The following GSK3B variants were observed in gnomAD, a reference collection of about 807,000 sequenced individuals.
The protein encoded by GSK3B is glycogen synthase kinase 3 beta.
Under a neutral mutation model 56.4 loss-of-function variants are expected in GSK3B, and 15 were observed. The ratio of observed to expected loss-of-function variants is 0.27; its 90% CI spans 0.18 to 0.41. The LOEUF (loss-of-function observed/expected upper bound fraction) is 0.41. Among genes scored for constraint, GSK3B ranks in the 10% least tolerant of loss-of-function variants. The pLI is 1.00. For missense variants in GSK3B, 300 were observed against 513.4 expected (o/e 0.58, Z 4.02); for synonymous variants, 181 against 188.9 (o/e 0.96, Z 0.34).
intron 4 of GSK3B, 103 bp downstream of exon 4, chr3:119,923,270 C>T (rs2056860922): frequency 3.7e-6 from 2 of 537,054 alleles, no homozygotes; most frequent in African/African-American, 1.9e-5. Flanking sequence ...CAGTTTTTCT[C>T]CCTGAGTATT....
At chr3:119,999,972 T>C (rs1429377675) in intron 2 of GSK3B, among the ~76,000 whole-genome samples, 1 of 152,156 alleles carries the variant, frequency 6.6e-6, no homozygotes, top group Non-Finnish European at 1.5e-5. Context: ...AGAAACAACA[T>C]GACCAATGAG....
At chr3:119,888,012 T>C (rs2056457931) in intron 7 of GSK3B, among the ~76,000 whole-genome samples, 1 of 152,098 alleles carries the variant, frequency 6.6e-6, no homozygotes, top group African/African-American at 2.4e-5. Flanking sequence ...AGTGAAAATA[T>C]CCTTCAAAAT....
At chr3:119,934,155 C>CA (rs1437189169) in intron 3 of GSK3B, among the ~76,000 whole-genome samples, 1 of 152,144 alleles carries the variant, frequency 6.6e-6, no homozygotes. Context: ...GTAGTCTCTG[C>CA]ATAGTGACTT....
chr3:120,061,842 C>G (rs1167230537), intron 1 of GSK3B, among the ~76,000 whole-genome samples: 1 of 152,226 alleles, frequency 6.6e-6, no homozygotes, highest in Non-Finnish European at 1.5e-5. Context: ...AAGCAACTGT[C>G]CTGCCTCAGC....
intron 1 of GSK3B, among the ~76,000 whole-genome samples, chr3:120,076,266 C>G (rs549173525): frequency 6.6e-6 from 1 of 152,224 alleles, no homozygotes; most frequent in African/African-American, 2.4e-5. Context: ...TAGAAGAAAA[C>G]ATAGGGAGAA....
intron 3 of GSK3B, among the ~76,000 whole-genome samples, chr3:119,945,286 T>C (rs1038051330): frequency 1.3e-5 from 2 of 152,170 alleles, no homozygotes; most frequent in African/African-American, 4.8e-5. Flanking sequence ...ATCCCAAAAT[T>C]AGGAGGTATC....
At chr3:119,926,352 A>ACC (rs1414917703) in intron 3 of GSK3B, among the ~76,000 whole-genome samples, 1 of 151,310 alleles carries the variant, frequency 6.6e-6, no homozygotes, top group Non-Finnish European at 1.5e-5. Flanking sequence ...ACACACACAC[A>ACC]CACCCCTATA....
intron 2 of GSK3B, among the ~76,000 whole-genome samples, chr3:119,989,948 GCCGTCCCTCCT>G (rs1380936238): frequency 1.3e-5 from 2 of 152,018 alleles, no homozygotes; most frequent in African/African-American, 4.8e-5. Context: ...AGAAGAACAC[GCCGTCCCTCCT>G]CAAATTATAG....
chr3:120,062,948 T>C (rs1483898003), intron 1 of GSK3B, among the ~76,000 whole-genome samples: 1 of 152,054 alleles, frequency 6.6e-6, no homozygotes, highest in Non-Finnish European at 1.5e-5. Flanking sequence ...CATACAAACA[T>C]GCAAAAAATA....
At chr3:119,952,881 CAT>C (rs1458258844) in intron 2 of GSK3B, among the ~76,000 whole-genome samples, 19 of 151,850 alleles carry the variant, frequency 1.3e-4, no homozygotes, top group Non-Finnish European at 2.1e-4. Context: ...AATGACACCA[CAT>C]GTTAACTGGA....
intron 3 of GSK3B, 76 bp downstream of exon 3, chr3:119,947,192 A>G: frequency 1.1e-6 from 1 of 869,678 alleles, no homozygotes; most frequent in East Asian, 2.4e-5. Flanking sequence ...ACTGTCTATG[A>G]GCGGTGGGGA....
At chr3:119,896,399 G>C (rs979998283) in intron 7 of GSK3B, among the ~76,000 whole-genome samples, 3 of 151,652 alleles carry the variant, frequency 2.0e-5, no homozygotes, top group South Asian at 2.1e-4. Context: ...AGAAAGGGGG[G>C]TATATGAATC....
At chr3:119,889,871 G>T (rs951847233) in intron 7 of GSK3B, among the ~76,000 whole-genome samples, 1 of 152,052 alleles carries the variant, frequency 6.6e-6, no homozygotes, top group Non-Finnish European at 1.5e-5. Context: ...AAAATCATAA[G>T]AAAGATAGAG....
intron 1 of GSK3B, among the ~76,000 whole-genome samples, chr3:120,060,337 C>T (rs2058226206): frequency 6.6e-6 from 1 of 152,150 alleles, no homozygotes; most frequent in African/African-American, 2.4e-5. Context: ...GACGATACTA[C>T]ATTAAACTAA....
At chr3:119,956,707 G>A (rs781651820) in intron 2 of GSK3B, among the ~76,000 whole-genome samples, 9 of 152,116 alleles carry the variant, frequency 5.9e-5, no homozygotes, top group African/African-American at 1.7e-4. Context: ...GTGGAGTAAC[G>A]TAAGCCTTAG....
intron 10 of GSK3B, among the ~76,000 whole-genome samples, chr3:119,828,091 CCTA>C (rs2055543785): frequency 6.6e-6 from 1 of 152,082 alleles, no homozygotes. Context: ...AATATATACA[CCTA>C]CTATGTCCCC....
chr3:120,024,296 C>T (rs927937984), intron 1 of GSK3B, among the ~76,000 whole-genome samples: 15 of 151,990 alleles, frequency 9.9e-5, no homozygotes, highest in African/African-American at 3.4e-4. Flanking sequence ...TGTATGCTCT[C>T]CACTACTGGA....
intron 1 of GSK3B, among the ~76,000 whole-genome samples, chr3:120,090,481 T>G (rs1011614076): frequency 1.2e-4 from 18 of 152,184 alleles, no homozygotes; most frequent in African/African-American, 3.6e-4. Flanking sequence ...AATTTTCCCA[T>G]TACAATTAAC....
chr3:119,830,547 T>C (rs182070415), intron 10 of GSK3B, among the ~76,000 whole-genome samples: 265 of 152,322 alleles, frequency 1.7e-3, no homozygotes, highest in African/African-American at 5.2e-3. Flanking sequence ...TCCCTTCCCG[T>C]TACATATGCA....
Sources: gnomAD v4.1 joint callset for allele counts (sites outside exome capture counted in the v4.1 genomes callset) on GRCh38, gnomAD v4.1.1 for gene constraint, MANE v1.5 for transcripts, NCBI Gene and HGNC (gene_info 2026-07-23, HGNC 2026-07-21) for gene names.